Variants in MDM4 observed in about 807,000 individuals in gnomAD.
The protein encoded by MDM4 is protein Mdm4.
MDM4 carries 2 observed loss-of-function variants against 60.2 expected under a neutral mutation model. The observed-to-expected ratio is 0.03, with a 90% confidence interval of 0.01 to 0.10. The LOEUF (loss-of-function observed/expected upper bound fraction) is 0.10. Ranked by LOEUF, MDM4 falls within the 10% of genes least tolerant of loss-of-function variation. MDM4 has a pLI of 1.00. For missense variants in MDM4, 447 were observed against 577.5 expected, an observed-to-expected ratio of 0.77 and a Z score of 2.32; for synonymous variants, 202 against 198.1, an observed-to-expected ratio of 1.02 and a Z score of -0.17.
rs1663495605 is a variant in MDM4 at position 204,555,789 on chromosome 1, T to A, written c.*6107T>A. On this transcript the variant is annotated 3_prime_UTR_variant, in exon 11 of 11. Transcript: ENST00000367182. ...TTGAGACAGGAGAATCGCTTGAACC[T>A]GGGAGGTGGAGGTTGCAGTGAGCCG... 1 of 177,944 alleles carries A rather than the reference T, an allele frequency of 5.6e-6. No individual in the cohort carries two copies. The highest frequency in any genetic ancestry group is 6.3e-5 in the Admixed American group (1 of 15,796). 11.0% of individuals were successfully genotyped at this position (177,944 alleles called of 1,614,324 possible). A position where few individuals can be genotyped will look rare whatever the true frequency, so the allele number is the denominator to read the frequency against.
chr1:204,520,964 A>G (rs1352605703), intron 1 of MDM4, among the ~76,000 whole-genome samples: 1 of 152,194 alleles, frequency 6.6e-6, no homozygotes, highest in Non-Finnish European at 1.5e-5. Flanking sequence ...TAAAAGAGTT[A>G]TGATTAATTC....
intron 9 of MDM4, among the ~76,000 whole-genome samples, chr1:204,545,862 T>C (rs1298117732): frequency 6.6e-6 from 1 of 152,138 alleles, no homozygotes; most frequent in Non-Finnish European, 1.5e-5. Flanking sequence ...GGACTTAAAA[T>C]ACTTGGCCAT....
Position 204,555,024 on chromosome 1 carries a change from A to G in MDM4, c.*5342A>G, listed in dbSNP as rs774770975. The G allele has an allele frequency of 1.4e-4, 31 of 219,978 alleles. No homozygotes were observed. Among genetic ancestry groups the G allele is most frequent in the Non-Finnish European group, 2.0e-4 (22 of 109,790 alleles). 13.6% of individuals were successfully genotyped at this position (219,978 alleles called of 1,614,324 possible). ...AACAGAGAAAGAGGCATGTCTGCAG[A>G]AAGAGATAGCTAATATTTTTTGGTA... On this transcript the variant is annotated 3_prime_UTR_variant, in exon 11 of 11. Coordinates refer to ENST00000367182, the MANE Select transcript of MDM4 (RefSeq NM_002393.5).
intron 4 of MDM4, among the ~76,000 whole-genome samples, chr1:204,531,794 G>A (rs1660879325): frequency 6.6e-6 from 1 of 151,932 alleles, no homozygotes; most frequent in Admixed American, 6.6e-5. Context: ...ATTGTGCCAT[G>A]GCACTCCAGC....
chr1:204,542,545 A>G (rs1225616574), intron 7 of MDM4, among the ~76,000 whole-genome samples: 2 of 151,980 alleles, frequency 1.3e-5, no homozygotes, highest in African/African-American at 4.8e-5. Flanking sequence ...CAATGCTTTT[A>G]GAGTTTAAAC....
chr1:204,540,809 CTGTTTTTG>C (rs1430927417), intron 7 of MDM4, among the ~76,000 whole-genome samples: 1 of 152,060 alleles, frequency 6.6e-6, no homozygotes, highest in African/African-American at 2.4e-5. Context: ...TTTTTTGTTT[CTGTTTTTG>C]TGTTGGCGAA....
intron 1 of MDM4, among the ~76,000 whole-genome samples, chr1:204,519,364 G>T (rs1659319732): frequency 6.6e-6 from 1 of 152,104 alleles, no homozygotes; most frequent in South Asian, 2.1e-4. Context: ...AAAGTTAGCT[G>T]GGCGTGATGG....
chr1:204,549,601 C>T lies in MDM4; in HGVS notation c.1392C>T (p.Ala464=). ...ATCTTGTCACTTGTTTTCACTGTGC[C>T]AGAAGACTAAAGAAGGCTGGGGCTT... The part of the protein sequence containing the change: ...TGHLVTCFHC[A]RRLKKAGASC... The change falls in exon 11 of 11, where the codon GCC becomes GCT. Residue 464 remains alanine (A), a synonymous_variant. Coordinates refer to ENST00000367182, the MANE Select transcript of MDM4 (RefSeq NM_002393.5). 1 of 1,610,134 alleles carries T rather than the reference C, an allele frequency of 6.2e-7. No individual in the cohort carries two copies. Among genetic ancestry groups the T allele is most frequent in the African/African-American group, 1.3e-5 (1 of 74,750 alleles).
rs151061460 is a variant in MDM4 at position 204,538,319 on chromosome 1, G to C, written c.511+11G>C. The C allele has an allele frequency of 1.1e-3, 1,546 of 1,434,274 alleles. 16 individuals are homozygous for C. The highest frequency in any genetic ancestry group is 1.1e-4 in the Non-Finnish European group (115 of 1,017,712). 88.8% of individuals were successfully genotyped at this position (1,434,274 alleles called of 1,614,324 possible). ...TACATTCTAGAGAAGGTATGTTTTG[G>C]ATTAAGGCTATATAGACTTTTGTTC... On this transcript the variant is annotated intron_variant, in intron 7 of 10. Transcript: ENST00000367182.
At position 204,553,305 on chromosome 1, in the gene MDM4, A is replaced by C. The variant is rs554537077; in HGVS notation, c.*3623A>C. ...GAAGTGTTCAGAGTTTACTGCTATAAGGAAACTTCCAAATACTGACATTTA... is the reference window on the plus strand; with the variant it reads ...GAAGTGTTCAGAGTTTACTGCTATACGGAAACTTCCAAATACTGACATTTA... On this transcript the variant is annotated 3_prime_UTR_variant, in exon 11 of 11. Coordinates refer to ENST00000367182, the MANE Select transcript of MDM4 (RefSeq NM_002393.5). 9.3e-6 allele frequency: 2 copies of C among 215,386 alleles called. No individual in the cohort carries two copies. The highest frequency in any genetic ancestry group is 1.9e-5 in the Non-Finnish European group (2 of 106,588). The allele number at this position is 215,386 out of a possible 1,614,324, so 13.3% of individuals were successfully genotyped here.
intron 6 of MDM4, chr1:204,537,787 T>G: frequency 1.7e-6 from 1 of 598,806 alleles, no homozygotes; most frequent in Non-Finnish European, 3.1e-6. Flanking sequence ...GGATATTGCT[T>G]TATTAGATTT....
intron 5 of MDM4, among the ~76,000 whole-genome samples, chr1:204,533,356 T>G (rs1558320931): frequency 6.6e-6 from 1 of 152,022 alleles, no homozygotes; most frequent in Non-Finnish European, 1.5e-5. Flanking sequence ...CCCAAGTTAG[T>G]AATCTTTTTA....
chr1:204,549,553 C>T lies in MDM4; in HGVS notation c.1344C>T (p.Asn448=). ...SLCEKRPRDG[N]IIHGRTGHLV... The stretch of plus-strand genomic sequence containing the variant: ...GTGAGAAAAGACCACGAGACGGGAA[C>T]ATTATTCATGGAAGGACGGGCCATC... Residue 448 remains asparagine, a synonymous_variant, in exon 11 of 11, where the codon AAC becomes AAT. Transcript: ENST00000367182. 1.2e-6 allele frequency: 2 copies of T among 1,613,776 alleles called. No individual in the cohort carries two copies. The highest frequency in any genetic ancestry group is 1.7e-6 in the Non-Finnish European group (2 of 1,179,922).
At chr1:204,529,086 G>C (rs1380145544) in intron 3 of MDM4, 1 of 1,411,476 alleles carries the variant, frequency 7.1e-7, no homozygotes, top group East Asian at 2.4e-5. Flanking sequence ...CTGCAGCTCT[G>C]TGTAGCTAAT....
intron 1 of MDM4, among the ~76,000 whole-genome samples, chr1:204,520,991 A>G (rs980356381): frequency 3.9e-5 from 6 of 152,214 alleles, no homozygotes; most frequent in African/African-American, 1.2e-4. Flanking sequence ...CTTGAGGTCT[A>G]ATGGGAAAAA....
At chr1:204,529,208 C>G (rs1660591926) in intron 3 of MDM4, 1 of 748,316 alleles carries the variant, frequency 1.3e-6, no homozygotes, top group Admixed American at 2.0e-5. Context: ...TAGGTCTTGT[C>G]AAACATGTTT....
chr1:204,552,878 T>TTC lies in MDM4; in HGVS notation c.*3197_*3198insCT, dbSNP rs1218660470. On this transcript the variant is annotated 3_prime_UTR_variant, in exon 11 of 11. Transcript: ENST00000367182. ...AAACTATTTCTTTTCTTTTCTTTTTTTTTTTTTTTTACTTGAGATGGAGTT... is the reference window on the plus strand; with the variant it reads ...AAACTATTTCTTTTCTTTTCTTTTTTTCTTTTTTTTTTACTTGAGATGGAGTT... 6.1e-6 allele frequency: 1 copy of TTC among 163,840 alleles called. No homozygotes were observed. The highest frequency in any genetic ancestry group is 1.3e-5 in the Non-Finnish European group (1 of 75,164). 10.1% of individuals were successfully genotyped at this position (163,840 alleles called of 1,614,324 possible).
At chr1:204,526,242 C>A in intron 2 of MDM4, 118 bp from the exon 3 acceptor site, 1 of 789,750 alleles carries the variant, frequency 1.3e-6, no homozygotes, top group Non-Finnish European at 2.1e-6. Flanking sequence ...GGCGACAGAG[C>A]AAGACCTTGC....
At chr1:204,546,558 A>G (rs1036630588) in intron 9 of MDM4, among the ~76,000 whole-genome samples, 2 of 152,182 alleles carry the variant, frequency 1.3e-5, no homozygotes, top group South Asian at 2.1e-4. Context: ...TCTCTTCTGA[A>G]TGCAAAATTT....
Sources: allele counts gnomAD v4.1 joint callset (sites outside exome capture counted in the v4.1 genomes callset), GRCh38; gene constraint gnomAD v4.1.1; transcripts MANE v1.5; gene names NCBI Gene and HGNC (gene_info 2026-07-23, HGNC 2026-07-21).